Variants in GALNT1 observed in about 807,000 individuals in gnomAD.
GALNT1 encodes polypeptide N-acetylgalactosaminyltransferase 1.
Under a neutral mutation model 65.7 loss-of-function variants are expected in GALNT1, and 17 were observed. That is an observed-to-expected ratio of 0.26 (90% CI 0.18 to 0.39). The LOEUF is 0.39. Ranked by LOEUF, GALNT1 falls within the 10% of genes least tolerant of loss-of-function variation. GALNT1 has a pLI of 1.00. For missense variants in GALNT1, 460 were observed against 672.8 expected, an observed-to-expected ratio of 0.68 and a Z score of 3.50; for synonymous variants, 210 against 219.7, an observed-to-expected ratio of 0.96 and a Z score of 0.39.
chr18:35,648,013 A>G (rs2047253537), intron 1 of GALNT1, among the ~76,000 whole-genome samples: 1 of 149,070 alleles, frequency 6.7e-6, no homozygotes, highest in African/African-American at 2.5e-5. Flanking sequence ...AGAACCTGTC[A>G]AAAACAAAAA....
Position 35,709,775 on chromosome 18 carries a change from A to G in GALNT1, c.*5A>G. On this transcript the variant is annotated 3_prime_UTR_variant, in exon 12 of 12. Transcript: ENST00000269195. ...ACCCTGCCAGAAATATTCTGAGACC[A>G]AATTTACAAAAAAACGAAAAAAATA... The G allele has an allele frequency of 6.2e-7, 1 of 1,613,846 alleles. No homozygotes were observed. The highest frequency in any genetic ancestry group is 8.5e-7 in the Non-Finnish European group (1 of 1,179,860).
intron 1 of GALNT1, among the ~76,000 whole-genome samples, chr18:35,630,121 A>G (rs1227101370): frequency 6.6e-6 from 1 of 152,042 alleles, no homozygotes; most frequent in Non-Finnish European, 1.5e-5. Context: ...TTAACACCCC[A>G]CTGTCAACAT....
intron 1 of GALNT1, among the ~76,000 whole-genome samples, chr18:35,611,315 C>T (rs1054988156): frequency 3.3e-5 from 5 of 152,044 alleles, no homozygotes; most frequent in Non-Finnish European, 7.4e-5. Flanking sequence ...GGGATTGATA[C>T]CTCTAAGGCA....
chr18:35,668,439 A>G (rs1398601031), intron 3 of GALNT1, among the ~76,000 whole-genome samples: 1 of 152,210 alleles, frequency 6.6e-6, no homozygotes, highest in Non-Finnish European at 1.5e-5. Context: ...AGTTCTTTGG[A>G]AAAAAATCAA....
chr18:35,612,881 C>T (rs928144409), intron 1 of GALNT1, among the ~76,000 whole-genome samples: 5 of 151,374 alleles, frequency 3.3e-5, no homozygotes, highest in Admixed American at 1.3e-4. Context: ...AAAAAAAATC[C>T]GTAGGCAGCT....
At chr18:35,599,194 C>G (rs1349149942) in intron 1 of GALNT1, among the ~76,000 whole-genome samples, 2 of 151,664 alleles carry the variant, frequency 1.3e-5, no homozygotes, top group African/African-American at 4.8e-5. Flanking sequence ...TTGTTGTTTC[C>G]TTTGCTCTGC....
intron 4 of GALNT1, among the ~76,000 whole-genome samples, chr18:35,683,089 T>C (rs2047810674): frequency 1.3e-5 from 2 of 151,002 alleles, no homozygotes; most frequent in Admixed American, 1.3e-4. Context: ...TTAAGCATGA[T>C]TAGAGAAAGA....
In GALNT1 at chr18:35,650,876, G is replaced by A. The variant is rs111334469; in HGVS notation, c.-103-3684G>A. Among the ~76,000 whole-genome samples the A allele has an allele frequency of 6.4e-3, 969 of 152,180 alleles. 17 individuals are homozygous for A. The highest frequency in any genetic ancestry group is 0.022 in the African/African-American group (919 of 41,518). On this transcript the variant is annotated intron_variant, in intron 1 of 11. Coordinates refer to ENST00000269195, the MANE Select transcript of GALNT1 (RefSeq NM_020474.4). ...GGTCCTGAGGCGACATTCATTCTCA[G>A]CTTAAGAAGATGATGAGATTAAGAG...
chr18:35,646,282 C>T (rs995753803), intron 1 of GALNT1, among the ~76,000 whole-genome samples: 1 of 152,180 alleles, frequency 6.6e-6, no homozygotes, highest in Non-Finnish European at 1.5e-5. Context: ...CCTTTTACCT[C>T]CCACCAGGTC....
At chr18:35,650,288 G>C (rs545525972) in intron 1 of GALNT1, among the ~76,000 whole-genome samples, 1 of 152,290 alleles carries the variant, frequency 6.6e-6, no homozygotes, top group South Asian at 2.1e-4. Context: ...AGGGGAGGGA[G>C]TGTACGAATA....
At chr18:35,662,022 C>T (rs934355335) in intron 2 of GALNT1, among the ~76,000 whole-genome samples, 5 of 152,032 alleles carry the variant, frequency 3.3e-5, no homozygotes, top group Non-Finnish European at 5.9e-5. Flanking sequence ...TCCTTTTGAC[C>T]ACTGATGTAC....
chr18:35,674,982 C>CAAAAAAAAAAA (rs150477892), intron 3 of GALNT1, among the ~76,000 whole-genome samples: 1 of 30,300 alleles, frequency 3.3e-5, no homozygotes, highest in African/African-American at 9.8e-5. Context: ...GACTCCGTCT[C>CAAAAAAAAAAA]AAAAAAAAAA....
intron 8 of GALNT1, among the ~76,000 whole-genome samples, chr18:35,691,709 T>C (rs1261293398): frequency 6.6e-6 from 1 of 152,168 alleles, no homozygotes; most frequent in African/African-American, 2.4e-5. Flanking sequence ...GAAACTTTGC[T>C]ATTCAGAGTT....
At chr18:35,604,253 T>C (rs1010061475) in intron 1 of GALNT1, among the ~76,000 whole-genome samples, 1 of 152,238 alleles carries the variant, frequency 6.6e-6, no homozygotes, top group African/African-American at 2.4e-5. Context: ...GTGATTTTGT[T>C]CTTTTAAATG....
chr18:35,587,187 C>T (rs2046387634), intron 1 of GALNT1, among the ~76,000 whole-genome samples: 1 of 152,128 alleles, frequency 6.6e-6, no homozygotes, highest in South Asian at 2.1e-4. Context: ...AATTAACTTT[C>T]ATATGTTGAT....
intron 1 of GALNT1, among the ~76,000 whole-genome samples, chr18:35,651,750 AG>A (rs1419329783): frequency 6.6e-6 from 1 of 152,258 alleles, no homozygotes; most frequent in Non-Finnish European, 1.5e-5. Context: ...GTGGCAATAA[AG>A]GTAGCAATTC....
chr18:35,616,857 T>C (rs1471853325), intron 1 of GALNT1, among the ~76,000 whole-genome samples: 1 of 152,132 alleles, frequency 6.6e-6, no homozygotes, highest in Non-Finnish European at 1.5e-5. Context: ...CTCAAACTTC[T>C]GACTCTTCAG....
chr18:35,654,742 A>G lies in GALNT1; in HGVS notation c.80A>G (p.Tyr27Cys). ...CTCTTGGATATGTTCCTGCTGCTTTACTTCAGTGAATGCAACAAATGTGAT... is the reference window on the plus strand; with the variant it reads ...CTCTTGGATATGTTCCTGCTGCTTTGCTTCAGTGAATGCAACAAATGTGAT... ...WVLLDMFLLLYFSECNKCDEK... is the reference protein window; with the variant it reads ...WVLLDMFLLLCFSECNKCDEK... The change falls in exon 2 of 12, where the codon TAC becomes TGC. Residue 27 changes from tyrosine to cysteine, a missense_variant. Physicochemically the swap from Tyr to Cys is radical, Grantham distance 194. Coordinates refer to ENST00000269195, the MANE Select transcript of GALNT1 (RefSeq NM_020474.4). The G allele has an allele frequency of 1.3e-6, 2 of 1,581,334 alleles. No individual in the cohort carries two copies. Among genetic ancestry groups the G allele is most frequent in the Non-Finnish European group, 1.7e-6 (2 of 1,161,734 alleles).
chr18:35,669,403 A>G (rs989844042), intron 3 of GALNT1, among the ~76,000 whole-genome samples: 2 of 152,242 alleles, frequency 1.3e-5, no homozygotes, highest in East Asian at 3.8e-4. Flanking sequence ...TATTACAACA[A>G]AGAAATATTA....
Sources: gnomAD v4.1 joint callset for allele counts (sites outside exome capture counted in the v4.1 genomes callset) on GRCh38, gnomAD v4.1.1 for gene constraint, MANE v1.5 for transcripts, NCBI Gene and HGNC (gene_info 2026-07-23, HGNC 2026-07-21) for gene names.